Variants in ZMYM2 observed in about 807,000 individuals in gnomAD.
ZMYM2 encodes zinc finger MYM-type protein 2.
A neutral mutation model predicts 162.8 loss-of-function variants in ZMYM2; 56 were observed. That is an observed-to-expected ratio of 0.34 (90% CI 0.28 to 0.43). The LOEUF is 0.43. Ranked by LOEUF, ZMYM2 falls within the 20% of genes least tolerant of loss-of-function variation. ZMYM2 has a pLI of 1.00. For missense variants in ZMYM2, 1,275 were observed against 1,621.8 expected (o/e 0.79, Z 3.67); for synonymous variants, 510 against 541.6 (o/e 0.94, Z 0.81).
chr13:20,083,558 A>T, intron 23 of ZMYM2, 98 bp from the exon 24 acceptor site: 1 of 935,704 alleles, frequency 1.1e-6, no homozygotes, highest in South Asian at 1.8e-5. Flanking sequence ...TCCAAGGGGC[A>T]CCTGGTCCTA....
intron 21 of ZMYM2, among the ~76,000 whole-genome samples, chr13:20,072,456 G>T (rs142167565): frequency 0.035 from 5,390 of 152,264 alleles, 139 homozygotes; most frequent in Middle Eastern, 0.054. Context: ...GGGAGGCGGA[G>T]GTTGCAGTGA....
chr13:19,930,887 C>A, the ZMYM2 span, among the ~76,000 whole-genome samples: 1 of 151,070 alleles, frequency 6.6e-6, no homozygotes, highest in East Asian at 2.0e-4. Context: ...TGCCTGTAAT[C>A]CCAGCACTTT....
rs373521253 is a variant in ZMYM2, at chr13:20,062,256, G to A, written c.2912-590G>A. ...CTAAGTGGAATAGGGTAAGAGAAATGACAGTGTGAATCCCTCATAGAAAGG... is the reference window on the plus strand; with the variant it reads ...CTAAGTGGAATAGGGTAAGAGAAATAACAGTGTGAATCCCTCATAGAAAGG... On this transcript the variant is annotated intron_variant, in intron 17 of 24. Transcript: ENST00000610343. Among the ~76,000 whole-genome samples, 31 of 152,310 alleles carry A rather than the reference G, an allele frequency of 2.0e-4. 1 individual carries two copies. The highest frequency in any genetic ancestry group is 1.9e-3 in the East Asian group (10 of 5,190).
the ZMYM2 span, among the ~76,000 whole-genome samples, chr13:19,953,645 C>A: frequency 7.7e-6 from 1 of 129,490 alleles, no homozygotes; most frequent in Non-Finnish European, 1.5e-5. Flanking sequence ...GATTGCACCA[C>A]TGCACTCCAG....
intron 2 of ZMYM2, among the ~76,000 whole-genome samples, chr13:19,968,406 C>A (rs115136684): frequency 6.6e-6 from 1 of 152,050 alleles, no homozygotes; most frequent in African/African-American, 2.4e-5. Flanking sequence ...ATTACAGGTG[C>A]GCGCCACTGT....
chr13:19,971,244 G>GTATATA lies in ZMYM2; in HGVS notation c.-11+11232_-11+11237dup, dbSNP rs1555278426. On this transcript the variant is annotated intron_variant, in intron 2 of 24. Transcript: ENST00000610343. ...TTTATATATATGTGTGTGTGTGTGT[G>GTATATA]TATATATATATATATATATTTTTTT... Among the ~76,000 whole-genome samples, 55 of 50,128 alleles carry GTATATA rather than the reference G, an allele frequency of 1.1e-3. 8 individuals are homozygous for GTATATA. The East Asian group carries it at 0.099, about 90-fold the overall frequency. 32.9% of individuals were successfully genotyped at this position (50,128 alleles called of 152,430 possible). A position where few individuals can be genotyped will look rare whatever the true frequency, so the allele number is the denominator to read the frequency against.
At chr13:20,003,340 A>G (rs1950521662) in intron 4 of ZMYM2, among the ~76,000 whole-genome samples, 1 of 152,052 alleles carries the variant, frequency 6.6e-6, no homozygotes, top group Admixed American at 6.6e-5. Context: ...TCTCCATTGG[A>G]CTCTTTGATT....
At chr13:20,061,807 T>G (rs563268261) in intron 17 of ZMYM2, among the ~76,000 whole-genome samples, 2 of 152,256 alleles carry the variant, frequency 1.3e-5, no homozygotes, top group South Asian at 4.2e-4. Flanking sequence ...CAGGCTGATC[T>G]CAAACTCCTG....
In ZMYM2 at chr13:20,019,560, C is replaced by G; in HGVS notation, c.1526C>G (p.Pro509Arg). 6.3e-7 allele frequency: 1 copy of G among 1,590,084 alleles called. No homozygotes were observed. The highest frequency in any genetic ancestry group is 8.6e-7 in the Non-Finnish European group (1 of 1,167,546). ...ATCTTTTTTTAGGTAGGTAGCCATC[C>G]AAGCTTCCTGAAGGAGGTTCGAGAT... is the stretch of plus-strand genomic sequence containing the variant. ...VSEYKQVGSH[P>R]SFLKEVRDHM... The change falls in exon 7 of 25, where the codon CCA becomes CGA. Residue 509 changes from proline to arginine, a missense_variant. By Grantham distance (103) the Pro-to-Arg change is moderately radical (BLOSUM62 -2). Around this residue, in one of 10 missense-constraint regions of ZMYM2, gnomAD observed 276 missense variants for 311.8 expected, o/e 0.89. Transcript: ENST00000610343.
At chr13:19,961,533 G>A (rs1955206569) in intron 2 of ZMYM2, among the ~76,000 whole-genome samples, 1 of 152,020 alleles carries the variant, frequency 6.6e-6, no homozygotes, top group South Asian at 2.1e-4. Context: ...GATGCTTATC[G>A]CCACATATTT....
At chr13:20,032,941 C>A (rs1021789722) in intron 10 of ZMYM2, among the ~76,000 whole-genome samples, 2 of 152,044 alleles carry the variant, frequency 1.3e-5, no homozygotes, top group Non-Finnish European at 2.9e-5. Context: ...ACTTTGGAAA[C>A]CTGAAATTTC....
At chr13:19,870,457 T>A in the ZMYM2 span, among the ~76,000 whole-genome samples, 1 of 150,310 alleles carries the variant, frequency 6.7e-6, no homozygotes, top group African/African-American at 2.5e-5. Context: ...CATTTCTCTT[T>A]CTCTCTTCTT....
upstream of ZMYM2, among the ~76,000 whole-genome samples, chr13:19,957,849 CG>C (rs1381376955): frequency 6.6e-6 from 1 of 152,212 alleles, no homozygotes; most frequent in Non-Finnish European, 1.5e-5. Context: ...TTGATGGAGG[CG>C]GGGAGCTGCG....
intron 2 of ZMYM2, among the ~76,000 whole-genome samples, chr13:19,974,545 G>A (rs1407285538): frequency 2.0e-5 from 3 of 149,486 alleles, no homozygotes; most frequent in African/African-American, 7.4e-5. Flanking sequence ...GTGTGATCTC[G>A]GCTCTCTGCA....
the ZMYM2 span, among the ~76,000 whole-genome samples, chr13:19,950,345 C>A: frequency 2.0e-5 from 3 of 152,170 alleles, no homozygotes; most frequent in Non-Finnish European, 4.4e-5. Context: ...TGAATAGCTA[C>A]TGGTAAATTA....
At chr13:19,932,124 T>C in the ZMYM2 span, among the ~76,000 whole-genome samples, 1 of 152,240 alleles carries the variant, frequency 6.6e-6, no homozygotes, top group South Asian at 2.1e-4. Flanking sequence ...ATGTCCCATA[T>C]GCTAGAAAAA....
intron 14 of ZMYM2, among the ~76,000 whole-genome samples, chr13:20,057,428 GC>G (rs1274356743): frequency 1.3e-5 from 2 of 152,102 alleles, no homozygotes; most frequent in South Asian, 2.1e-4. Flanking sequence ...GTGAGCCAAT[GC>G]CCCCGGCCAG....
At chr13:19,917,175 G>A in the ZMYM2 span, among the ~76,000 whole-genome samples, 3,892 of 152,046 alleles carry the variant, frequency 0.026, 64 homozygotes, top group Middle Eastern at 0.037. Context: ...TGTTAGCCAG[G>A]ATGGTCTCAA....
intron 16 of ZMYM2, among the ~76,000 whole-genome samples, chr13:20,060,783 A>G (rs1956170642): frequency 2.6e-5 from 4 of 152,074 alleles, no homozygotes; most frequent in Admixed American, 2.6e-4. Context: ...AGTACTTAGA[A>G]GAACACTGTG....
Sources: allele counts gnomAD v4.1 joint callset (sites outside exome capture counted in the v4.1 genomes callset), GRCh38; gene constraint gnomAD v4.1.1; regional missense constraint gnomAD v4.1.1; transcripts MANE v1.5; gene names NCBI Gene and HGNC (gene_info 2026-07-23, HGNC 2026-07-21).